Variants in MUC6 observed in about 807,000 individuals in gnomAD.
MUC6 encodes the protein mucin-6.
MUC6 carries 188 observed loss-of-function variants against 201.5 expected under a neutral mutation model. The observed-to-expected ratio is 0.93, with a 90% CI of 0.83 to 1.05. The LOEUF is 1.05. MUC6 is among the 50% of genes least tolerant of loss of function. The pLI is 0.00. For synonymous variants in MUC6, 1,228 were observed against 1,389.4 expected (o/e 0.88, Z 2.58); for missense variants, 2,706 against 3,256.9 (o/e 0.83, Z 4.12).
intron 20 of MUC6, 87 bp from the exon 21 acceptor site, chr11:1,026,228 G>A: frequency 6.6e-7 from 1 of 1,513,842 alleles, no homozygotes; most frequent in South Asian, 1.3e-5. Flanking sequence ...CTGCACCTCT[G>A]GACGCCCCCG....
At chr11:1,024,720 C>A in intron 24 of MUC6, 124 bp downstream of exon 24, 1 of 1,436,932 alleles carries the variant, frequency 7.0e-7, no homozygotes, top group South Asian at 1.4e-5. Context: ...ACTCTCTGCA[C>A]CCTGACCTGG....
chr11:1,035,933 G>A (rs942801225), intron 1 of MUC6, among the ~76,000 whole-genome samples: 1 of 152,126 alleles, frequency 6.6e-6, no homozygotes, highest in African/African-American at 2.4e-5. Context: ...CTCCTTCTGG[G>A]GGCCTGGGGA....
At chr11:1,030,356 G>A (rs966955395) in intron 7 of MUC6, 21 bp from the exon 8 acceptor site, 55 of 1,544,056 alleles carry the variant, frequency 3.6e-5, no homozygotes, top group Non-Finnish European at 4.7e-5. Flanking sequence ...ACGCGGCTCC[G>A]GTGAGAGGGT....
intron 13 of MUC6, 81 bp downstream of exon 13, chr11:1,028,565 T>C (rs951171645): frequency 7.0e-6 from 11 of 1,561,618 alleles, no homozygotes; most frequent in Non-Finnish European, 8.7e-6. Context: ...TGAACCTCTC[T>C]TGGACCTTTC....
At chr11:1,024,579 C>T (rs1343813166) in intron 24 of MUC6, among the ~76,000 whole-genome samples, 2 of 152,234 alleles carry the variant, frequency 1.3e-5, no homozygotes, top group Admixed American at 1.3e-4. Flanking sequence ...GCGATGCTGC[C>T]CCAGGGGACT....
intron 27 of MUC6, among the ~76,000 whole-genome samples, chr11:1,020,962 G>A (rs891396388): frequency 6.6e-6 from 1 of 152,176 alleles, no homozygotes; most frequent in Non-Finnish European, 1.5e-5. Flanking sequence ...GGGGAGCTGG[G>A]AGCTGGTGGA....
At chr11:1,015,180 G>A (rs1856573821) in intron 31 of MUC6, among the ~76,000 whole-genome samples, 1 of 151,474 alleles carries the variant, frequency 6.6e-6, no homozygotes, top group African/African-American at 2.4e-5. Context: ...GCATCCCATG[G>A]CCTGGGGAGC....
chr11:1,015,904 T>A lies in MUC6; in HGVS notation c.6897A>T (p.Pro2299=), dbSNP rs1564831085. Residue 2299 remains proline (P), a synonymous_variant, in exon 31 of 33, where the codon CCA becomes CCT. Coordinates refer to ENST00000421673, the MANE Select transcript of MUC6 (RefSeq NM_005961.3). ...GGTGCCTGGTGGTAAGGTTGGTGACTGGAGAGGTGGGGATACCCGTCACCC... is the reference window on the plus strand; with the variant it reads ...GGTGCCTGGTGGTAAGGTTGGTGACAGGAGAGGTGGGGATACCCGTCACCC... ...TSGVTGIPTS[P]VTNLTTRHPG... 1.9e-6 allele frequency: 3 copies of A among 1,607,164 alleles called. No individual in the cohort carries two copies. The highest frequency in any genetic ancestry group is 1.7e-6 in the Non-Finnish European group (2 of 1,176,016).
At chr11:1,021,140 T>G in intron 27 of MUC6, 75 bp downstream of exon 27, 3 of 1,373,926 alleles carry the variant, frequency 2.2e-6, no homozygotes, top group Non-Finnish European at 2.9e-6. Flanking sequence ...CTCTCCCTTG[T>G]TTGTGGGATG....
intron 16 of MUC6, 54 bp downstream of exon 16, chr11:1,027,631 C>T (rs1217027603): frequency 6.3e-7 from 1 of 1,576,430 alleles, no homozygotes; most frequent in African/African-American, 1.4e-5. Flanking sequence ...CCCAGGACAC[C>T]CCCTCGTGAG....
chr11:1,021,056 G>A lies in MUC6; in HGVS notation c.3589+159C>T, dbSNP rs144550991. Among the ~76,000 whole-genome samples the A allele has an allele frequency of 2.3e-4, 35 of 152,328 alleles. No individual in the cohort carries two copies. In the East Asian group the frequency reaches 5.8e-3, roughly 25 times the overall value. On this transcript the variant is annotated intron_variant, in intron 27 of 32. Transcript: ENST00000421673. ...TGGGCTGGAGGCTGCCTGAGTCTCT[G>A]GAGACCCAAGGGGCCAGGGTCCTGG...
In MUC6 at chr11:1,027,969, T is replaced by A. The variant is rs377000870; in HGVS notation, c.1844A>T (p.Tyr615Phe). 177 of 1,574,140 alleles carry A rather than the reference T, an allele frequency of 1.1e-4. 2 individuals carry two copies. In the East Asian group the frequency reaches 2.0e-3, roughly 18 times the overall value. Residue 615 changes from tyrosine to phenylalanine, a missense_variant, in exon 15 of 33, where the codon TAC becomes TTC. Transcript: ENST00000421673. ...CHATVNPAPF[Y>F]KRCVYQACNY... ...AAGACGCCCTCGGGCCCTCACCTTG[T>A]AGAAGGGTGCAGGGTTCACTGTGGC... is the stretch of plus-strand genomic sequence containing the variant.
Position 1,016,190 on chromosome 11 carries a change from G to A in MUC6, c.6611C>T (p.Ala2204Val), listed in dbSNP as rs1222985527. 1.6e-5 allele frequency: 26 copies of A among 1,613,438 alleles called. No homozygotes were observed. Among genetic ancestry groups the A allele is most frequent in the Non-Finnish European group, 2.2e-5 (26 of 1,179,740 alleles). Residue 2204 changes from alanine (A) to valine (V), a missense_variant, in exon 31 of 33, where the codon GCC (alanine) becomes GTC (valine). Coordinates refer to ENST00000421673, the MANE Select transcript of MUC6 (RefSeq NM_005961.3). ...GAGAGTGGCCCTAATGGTAGTAGAG[G>A]CAGCTGGAGAAGAAGGAAAAAGAGG... ...ASPLFPSSPAASTTIRATLPH... is the reference protein window; with the variant it reads ...ASPLFPSSPAVSTTIRATLPH...
chr11:1,019,965 C>A (rs775201816), intron 29 of MUC6, 125 bp downstream of exon 29: 2 of 1,264,662 alleles, frequency 1.6e-6, no homozygotes, highest in African/African-American at 3.0e-5. Context: ...GGAAGTTCTA[C>A]GCTGGGAATC....
chr11:1,025,359 G>A lies in MUC6; in HGVS notation c.2808C>T (p.Ser936=), dbSNP rs779740491. The change falls in exon 23 of 33, where the codon TCC becomes TCT. Residue 936 remains serine, a synonymous_variant. Coordinates refer to ENST00000421673, the MANE Select transcript of MUC6 (RefSeq NM_005961.3). Reference sequence around the variant, plus strand: ...TGTAGTTTCTGTCCGCCAGCACCACGGACAGGCCCTGTGGGGTGGGGTTGG... The same window carrying A: ...TGTAGTTTCTGTCCGCCAGCACCACAGACAGGCCCTGTGGGGTGGGGTTGG... ...RAIKIFLGGL[S]VVLADRNYTV... 3 of 1,609,582 alleles carry A rather than the reference G, an allele frequency of 1.9e-6. No homozygotes were observed. The highest frequency in any genetic ancestry group is 2.5e-6 in the Non-Finnish European group (3 of 1,177,756).
chr11:1,020,864 G>C (rs1427282206), intron 27 of MUC6, 130 bp from the exon 28 acceptor site: 7 of 1,194,020 alleles, frequency 5.9e-6, no homozygotes, highest in African/African-American at 4.6e-5. Flanking sequence ...GAGGGGCTGG[G>C]AGCCCACCCT....
Position 1,016,466 on chromosome 11 carries a change from G to A in MUC6, c.6335C>T (p.Pro2112Leu). ...PPSSPITTQL[P>L]HLSSATTPVS... The stretch of plus-strand genomic sequence containing the variant: ...AGGAGTGGTTGCAGAACTCAAGTGG[G>A]GGAGTTGTGTGGTGATAGGTGATGA... The change falls in exon 31 of 33, where the codon CCC (proline) becomes CTC (leucine). Residue 2112 changes from proline to leucine, a missense_variant. Around this residue, in one of 10 missense-constraint regions of MUC6, gnomAD observed 586 missense variants for 488.0 expected, o/e 1.20. Transcript: ENST00000421673. 1 of 1,613,914 alleles carries A rather than the reference G, an allele frequency of 6.2e-7. No homozygotes were observed. The highest frequency in any genetic ancestry group is 8.5e-7 in the Non-Finnish European group (1 of 1,179,870).
chr11:1,036,571 C>G (rs779028832), intron 1 of MUC6, 33 bp downstream of exon 1: 62 of 1,548,390 alleles, frequency 4.0e-5, no homozygotes, highest in Non-Finnish European at 4.9e-5. Flanking sequence ...TCTGAGGGCA[C>G]CGCAGTGTCT....
At position 1,013,188 on chromosome 11, in the gene MUC6, G is replaced by A; in HGVS notation, c.*268C>T. 1 of 526,000 alleles carries A rather than the reference G, an allele frequency of 1.9e-6. No individual in the cohort carries two copies. Among genetic ancestry groups the A allele is most frequent in the Non-Finnish European group, 3.3e-6 (1 of 299,438 alleles). The allele number at this position is 526,000 out of a possible 1,614,324, so 32.6% of individuals were successfully genotyped here. A position where few individuals can be genotyped will look rare whatever the true frequency, so the allele number is the denominator to read the frequency against. On this transcript the variant is annotated 3_prime_UTR_variant, in exon 33 of 33. Transcript: ENST00000421673. ...GGACGGTGGGCAGGGGTGGTCGGGA[G>A]TGCCCTGTGTGCCTGGGAGGTCCGT...
Sources: allele counts gnomAD v4.1 joint callset (sites outside exome capture counted in the v4.1 genomes callset), GRCh38; gene constraint gnomAD v4.1.1; regional missense constraint gnomAD v4.1.1; transcripts MANE v1.5; gene names NCBI Gene and HGNC (gene_info 2026-07-23, HGNC 2026-07-21).